DLG1: variants seen among roughly 807,000 people sequenced by gnomAD.
DLG1 encodes disks large homolog 1.
A neutral mutation model predicts 123.4 loss-of-function variants in DLG1; 42 were observed. The observed-to-expected ratio is 0.34, with a 90% CI of 0.27 to 0.44. The LOEUF (loss-of-function observed/expected upper bound fraction) is 0.44, where lower values mean the gene tolerates loss of function less well. DLG1 is among the 20% of genes least tolerant of loss of function. The probability of loss-of-function intolerance (pLI) is 1.00; values close to 1 mark genes in which losing one functional copy is unlikely to be tolerated. For synonymous variants in DLG1, 317 were observed against 356.2 expected, an observed-to-expected ratio of 0.89 and a Z score of 1.24; for missense variants, 942 against 1,082.6, an observed-to-expected ratio of 0.87 and a Z score of 1.82.
intron 11 of DLG1, among the ~76,000 whole-genome samples, chr3:197,126,542 T>C (rs1423951808): frequency 6.6e-6 from 1 of 151,560 alleles, no homozygotes; most frequent in African/African-American, 2.4e-5. Flanking sequence ...AATGTGCACA[T>C]GGTTATTAGA....
At chr3:197,122,269 G>A (rs888328508) in intron 11 of DLG1, among the ~76,000 whole-genome samples, 5 of 151,882 alleles carry the variant, frequency 3.3e-5, no homozygotes, top group Non-Finnish European at 5.9e-5. Context: ...AATACTTACA[G>A]GATAAAAACT....
rs1738813128 is a variant in DLG1 at position 197,065,371 on chromosome 3, T to C, written c.2278A>G (p.Lys760Glu). The C allele has an allele frequency of 1.2e-6, 2 of 1,613,456 alleles. No individual in the cohort carries two copies. Among genetic ancestry groups the C allele is most frequent in the African/African-American group, 1.3e-5 (1 of 74,844 alleles). ...ATGAATTTATGTTCCTGGATATCTT[T>C]TTCCATCTGCTCTCTTGAAGTCACA... The part of the protein sequence containing the change: ...HFVTSREQME[K>E]DIQEHKFIEA... Residue 760 changes from lysine to glutamate, a missense_variant, in exon 22 of 25, where the codon AAA becomes GAA. Coordinates refer to ENST00000667157, the MANE Select transcript of DLG1 (RefSeq NM_001366207.1).
intron 11 of DLG1, among the ~76,000 whole-genome samples, chr3:197,124,642 A>G (rs1277009297): frequency 6.6e-6 from 1 of 151,962 alleles, no homozygotes; most frequent in Non-Finnish European, 1.5e-5. Context: ...CAGGTGCAAT[A>G]ATAGTGCACT....
chr3:197,157,765 G>A (rs1259558732), intron 5 of DLG1, among the ~76,000 whole-genome samples: 2 of 152,084 alleles, frequency 1.3e-5, no homozygotes, highest in African/African-American at 2.4e-5. Context: ...CAAAGGTGGC[G>A]GGCTAACACT....
At chr3:197,158,055 C>T (rs1234546514) in intron 5 of DLG1, among the ~76,000 whole-genome samples, 1 of 152,008 alleles carries the variant, frequency 6.6e-6, no homozygotes, top group Non-Finnish European at 1.5e-5. Flanking sequence ...AGACATGAGA[C>T]CCAGAATACA....
At chr3:197,168,517 A>C (rs2149995171) in intron 5 of DLG1, among the ~76,000 whole-genome samples, 1 of 152,384 alleles carries the variant, frequency 6.6e-6, no homozygotes, top group East Asian at 1.9e-4. Context: ...GTTTTAGAGC[A>C]GGGTAAAACT....
intron 16 of DLG1, among the ~76,000 whole-genome samples, chr3:197,084,580 G>A (rs1480825382): frequency 6.6e-6 from 1 of 151,758 alleles, no homozygotes; most frequent in African/African-American, 2.4e-5. Context: ...AAAGTGCTGG[G>A]ATTACAGGTG....
intron 4 of DLG1, among the ~76,000 whole-genome samples, chr3:197,272,624 T>C (rs963083570): frequency 6.6e-6 from 1 of 152,192 alleles, no homozygotes; most frequent in Non-Finnish European, 1.5e-5. Context: ...TGGCAGAATG[T>C]GTAAATATAT....
intron 5 of DLG1, among the ~76,000 whole-genome samples, chr3:197,162,431 T>C (rs908775003): frequency 6.6e-6 from 1 of 152,110 alleles, no homozygotes; most frequent in African/African-American, 2.4e-5. Context: ...ATAAAATATC[T>C]TATATATGTA....
intron 13 of DLG1, among the ~76,000 whole-genome samples, chr3:197,112,211 A>G (rs911459385): frequency 1.4e-4 from 21 of 152,146 alleles, no homozygotes; most frequent in African/African-American, 5.1e-4. Flanking sequence ...CTTCAAGAAT[A>G]CCTATTTTTA....
chr3:197,102,020 G>A (rs903871697), intron 14 of DLG1, among the ~76,000 whole-genome samples: 1 of 152,086 alleles, frequency 6.6e-6, no homozygotes, highest in Non-Finnish European at 1.5e-5. Flanking sequence ...GCCTTCCAAA[G>A]TGCTGGGATT....
At chr3:197,213,581 A>C (rs960891226) in intron 4 of DLG1, among the ~76,000 whole-genome samples, 7 of 152,232 alleles carry the variant, frequency 4.6e-5, no homozygotes, top group African/African-American at 1.7e-4. Context: ...AAAATGATTA[A>C]ACAAAATAGT....
At chr3:197,087,638 A>G (rs1401788478) in intron 15 of DLG1, among the ~76,000 whole-genome samples, 3 of 152,206 alleles carry the variant, frequency 2.0e-5, no homozygotes, top group Non-Finnish European at 4.4e-5. Flanking sequence ...AGGGGAAGAG[A>G]GATTTTAACA....
intron 4 of DLG1, among the ~76,000 whole-genome samples, chr3:197,212,797 C>G (rs114894252): frequency 2.0e-5 from 3 of 152,216 alleles, no homozygotes; most frequent in African/African-American, 7.2e-5. Context: ...TTGTGAGAGA[C>G]AGAATTCAAC....
intron 5 of DLG1, among the ~76,000 whole-genome samples, chr3:197,162,337 T>A (rs1192799356): frequency 6.6e-6 from 1 of 152,190 alleles, no homozygotes; most frequent in Non-Finnish European, 1.5e-5. Flanking sequence ...AAAAGTTCAC[T>A]GTTTTATCTG....
intron 14 of DLG1, among the ~76,000 whole-genome samples, chr3:197,092,403 A>T (rs976866801): frequency 2.6e-5 from 4 of 152,232 alleles, no homozygotes; most frequent in Non-Finnish European, 4.4e-5. Flanking sequence ...TTAGACCACC[A>T]ACACTACTAC....
chr3:197,262,884 G>C (rs1359508567), intron 4 of DLG1, among the ~76,000 whole-genome samples: 1 of 152,188 alleles, frequency 6.6e-6, no homozygotes, highest in Non-Finnish European at 1.5e-5. Flanking sequence ...ATGTAGCTAT[G>C]TAAATGTCAT....
intron 6 of DLG1, among the ~76,000 whole-genome samples, chr3:197,145,064 C>CAT (rs1790067091): frequency 6.6e-6 from 1 of 151,888 alleles, no homozygotes; most frequent in South Asian, 2.1e-4. Flanking sequence ...CTCACACACA[C>CAT]ACACACACAC....
chr3:197,095,310 AAG>A, intron 14 of DLG1, among the ~76,000 whole-genome samples: 1 of 152,156 alleles, frequency 6.6e-6, no homozygotes, highest in East Asian at 1.9e-4. Context: ...GATCCCTATG[AAG>A]AGTCACCAGT....
Sources: allele counts gnomAD v4.1 joint callset (sites outside exome capture counted in the v4.1 genomes callset), GRCh38; gene constraint gnomAD v4.1.1; transcripts MANE v1.5; gene names NCBI Gene and HGNC (gene_info 2026-07-23, HGNC 2026-07-21).